The following COBLL1 variants were observed in gnomAD, a reference collection of about 807,000 sequenced individuals.
COBLL1 encodes cordon-bleu protein-like 1.
Under a neutral mutation model 94.8 loss-of-function variants are expected in COBLL1, and 50 were observed. The observed-to-expected ratio is 0.53, with a 90% confidence interval of 0.42 to 0.67. The LOEUF (loss-of-function observed/expected upper bound fraction) is 0.67, where lower values mean the gene tolerates loss of function less well. Ranked by LOEUF, COBLL1 falls within the 30% of genes least tolerant of loss-of-function variation. The pLI is 0.00. For synonymous variants in COBLL1, 448 were observed against 473.8 expected, an observed-to-expected ratio of 0.95 and a Z score of 0.71; for missense variants, 1,362 against 1,348.7, an observed-to-expected ratio of 1.01 and a Z score of -0.15.
intron 10 of COBLL1, 57 bp from the exon 11 acceptor site, chr2:164,699,556 CACACACACAG>C: frequency 1.0e-6 from 1 of 954,092 alleles, no homozygotes; most frequent in Non-Finnish European, 1.7e-6. Flanking sequence ...CACACATACA[CACACACACAG>C]ACACACACAC....
chr2:164,840,190 C>T (rs1389018947), intron 2 of COBLL1, among the ~76,000 whole-genome samples: 2 of 151,456 alleles, frequency 1.3e-5, no homozygotes, highest in South Asian at 2.1e-4. Flanking sequence ...TCGATTTTTC[C>T]TTAACGTTTC....
chr2:164,658,294 C>T (rs1040698523), intron 2 of COBLL1, among the ~76,000 whole-genome samples: 3 of 152,062 alleles, frequency 2.0e-5, no homozygotes, highest in Admixed American at 6.6e-5. Context: ...GGAGGTTGGC[C>T]GAAGACCGCT....
intron 7 of COBLL1, among the ~76,000 whole-genome samples, chr2:164,710,587 C>G (rs1342780677): frequency 7.1e-6 from 1 of 141,008 alleles, no homozygotes; most frequent in African/African-American, 2.7e-5. Context: ...TTTTTGGAGA[C>G]GGAGTTTCGC....
chr2:164,779,296 T>C (rs1251136270), intron 2 of COBLL1, among the ~76,000 whole-genome samples: 1 of 152,136 alleles, frequency 6.6e-6, no homozygotes, highest in Non-Finnish European at 1.5e-5. Context: ...GTACGAATCA[T>C]GGCAAAGTCA....
chr2:164,718,129 A>T, intron 7 of COBLL1: 1 of 395,204 alleles, frequency 2.5e-6, no homozygotes, highest in South Asian at 1.0e-4. Context: ...AGTGTGACAC[A>T]TTCTCATTGT....
At chr2:164,792,938 G>A (rs1218469265) in intron 2 of COBLL1, among the ~76,000 whole-genome samples, 1 of 151,900 alleles carries the variant, frequency 6.6e-6, no homozygotes, top group Non-Finnish European at 1.5e-5. Context: ...CATTCTACTG[G>A]CAGACACACC....
At chr2:164,775,891 T>C (rs1033647222) in intron 2 of COBLL1, among the ~76,000 whole-genome samples, 1 of 152,122 alleles carries the variant, frequency 6.6e-6, no homozygotes, top group Admixed American at 6.6e-5. Flanking sequence ...TGGCTGCCCA[T>C]TTGTCATCTC....
At chr2:164,798,649 A>G (rs551177825) in intron 2 of COBLL1, among the ~76,000 whole-genome samples, 2 of 152,202 alleles carry the variant, frequency 1.3e-5, no homozygotes, top group Non-Finnish European at 2.9e-5. Flanking sequence ...CTAACAAAAC[A>G]TATTTACAAT....
intron 2 of COBLL1, among the ~76,000 whole-genome samples, chr2:164,767,073 T>C (rs1000413343): frequency 2.6e-5 from 4 of 152,214 alleles, no homozygotes; most frequent in Non-Finnish European, 4.4e-5. Context: ...GTGGGTACAA[T>C]GCAGACAGCA....
At chr2:164,712,323 G>A (rs1374360813) in intron 7 of COBLL1, among the ~76,000 whole-genome samples, 1 of 152,090 alleles carries the variant, frequency 6.6e-6, no homozygotes, top group Non-Finnish European at 1.5e-5. Flanking sequence ...AATGTTAAAT[G>A]TTTCTAATAG....
Position 164,728,024 on chromosome 2 carries a change from TGTCAA to T in COBLL1, c.601_605del (p.Leu201LysfsTer4), listed in dbSNP as rs1685803747. On this transcript the variant is annotated frameshift_variant, in exon 5 of 14. Coordinates refer to ENST00000652658, the MANE Select transcript of COBLL1 (RefSeq NM_001365672.2). LOFTEE classifies it high-confidence loss of function. ...TTAGTCCCAGGTCATTAAGAGATTT[TGTCAA>T]GTCAAGAGGCTCCTGCGATTGATAA... The T allele has an allele frequency of 6.2e-7, 1 of 1,613,676 alleles. No individual in the cohort carries two copies.
At chr2:164,780,621 C>T (rs571103218) in intron 2 of COBLL1, among the ~76,000 whole-genome samples, 1 of 152,232 alleles carries the variant, frequency 6.6e-6, no homozygotes, top group South Asian at 2.1e-4. Context: ...AGCTCAAAGA[C>T]ATAGATGATA....
intron 2 of COBLL1, among the ~76,000 whole-genome samples, chr2:164,658,253 C>A (rs182781185): frequency 6.6e-6 from 1 of 152,136 alleles, no homozygotes; most frequent in Non-Finnish European, 1.5e-5. Context: ...CTCAGTCCCC[C>A]CTCTCAACAG....
At chr2:164,812,534 C>CT (rs1387280685) in intron 2 of COBLL1, among the ~76,000 whole-genome samples, 1 of 151,972 alleles carries the variant, frequency 6.6e-6, no homozygotes, top group Non-Finnish European at 1.5e-5. Context: ...CAACAACAGA[C>CT]TAATGGTTAA....
intron 2 of COBLL1, among the ~76,000 whole-genome samples, chr2:164,837,025 C>T (rs553216963): frequency 1.3e-5 from 2 of 152,248 alleles, no homozygotes; most frequent in Admixed American, 6.5e-5. Context: ...AACTTTAGAA[C>T]CAATAACACT....
intron 10 of COBLL1, among the ~76,000 whole-genome samples, 191 bp from the exon 11 acceptor site, chr2:164,699,690 G>A (rs1482958987): frequency 1.3e-5 from 2 of 151,980 alleles, no homozygotes; most frequent in Non-Finnish European, 2.9e-5. Context: ...GAGAAGAAAT[G>A]CTGCTATGAA....
intron 2 of COBLL1, among the ~76,000 whole-genome samples, chr2:164,801,889 G>C (rs1003060538): frequency 1.3e-5 from 2 of 152,192 alleles, no homozygotes; most frequent in Non-Finnish European, 2.9e-5. Flanking sequence ...GCTGAAAGAA[G>C]ACTGGGCTAC....
intron 7 of COBLL1, among the ~76,000 whole-genome samples, chr2:164,712,108 C>T (rs1684929235): frequency 6.6e-6 from 1 of 152,100 alleles, no homozygotes; most frequent in Non-Finnish European, 1.5e-5. Flanking sequence ...CTAAATTTAG[C>T]TGAAGAAAAT....
intron 2 of COBLL1, among the ~76,000 whole-genome samples, chr2:164,755,805 T>G (rs1387282329): frequency 6.6e-6 from 1 of 152,210 alleles, no homozygotes; most frequent in Non-Finnish European, 1.5e-5. Flanking sequence ...TAAATTCATG[T>G]AAACAAATGG....
Sources: allele counts gnomAD v4.1 joint callset (sites outside exome capture counted in the v4.1 genomes callset), GRCh38; gene constraint gnomAD v4.1.1; transcripts MANE v1.5; gene names NCBI Gene and HGNC (gene_info 2026-07-23, HGNC 2026-07-21).